Variants in HEATR5B observed in about 807,000 individuals in gnomAD.
HEATR5B encodes HEAT repeat containing 5B, also known as HEAT repeat-containing protein 5B.
A neutral mutation model predicts 224.1 loss-of-function variants in HEATR5B; 156 were observed. That is an observed-to-expected ratio of 0.70 (90% CI 0.61 to 0.80). The LOEUF (loss-of-function observed/expected upper bound fraction) is 0.80. Among genes scored for constraint, HEATR5B ranks in the 30% least tolerant of loss-of-function variants. HEATR5B has a pLI of 0.00. For missense variants in HEATR5B, 2,323 were observed against 2,535.5 expected (o/e 0.92, Z 1.80); for synonymous variants, 1,027 against 893.0 (o/e 1.15, Z -2.68).
intron 8 of HEATR5B, 32 bp from the exon 9 acceptor site, chr2:37,065,942 G>A (rs769171518): frequency 1.9e-6 from 3 of 1,577,706 alleles, no homozygotes; most frequent in South Asian, 2.3e-5. Context: ...TTTGACATAG[G>A]AGAAATGAAT....
intron 21 of HEATR5B, among the ~76,000 whole-genome samples, chr2:37,033,311 G>A (rs1669257467): frequency 6.6e-6 from 1 of 152,112 alleles, no homozygotes; most frequent in Non-Finnish European, 1.5e-5. Flanking sequence ...AAATATGTTA[G>A]TAGCCAAAAT....
At chr2:36,990,623 T>C (rs775127859) in intron 34 of HEATR5B, 25 bp downstream of exon 34, 3 of 1,512,902 alleles carry the variant, frequency 2.0e-6, no homozygotes, top group Non-Finnish European at 2.7e-6. Context: ...TGTTTTTATC[T>C]ATGTCTGTGT....
chr2:37,076,654 G>GA (rs11464053), intron 4 of HEATR5B, among the ~76,000 whole-genome samples: 122,533 of 144,054 alleles, frequency 0.85, 52,604 homozygotes, highest in East Asian at 0.99. Flanking sequence ...CCAAAAAAAA[G>GA]AAAAAAAAAA....
chr2:37,037,145 G>GATATATATAAATATATATATAT (rs1553431140), intron 21 of HEATR5B, among the ~76,000 whole-genome samples: 8 of 89,140 alleles, frequency 9.0e-5, no homozygotes, highest in Non-Finnish European at 1.7e-4. Flanking sequence ...CTAAAAATGT[G>GATATATATAAATATATATATAT]ATATATATAT....
chr2:37,060,322 A>C (rs868224211), intron 12 of HEATR5B, among the ~76,000 whole-genome samples: 1 of 152,132 alleles, frequency 6.6e-6, no homozygotes, highest in Non-Finnish European at 1.5e-5. Flanking sequence ...GATAGCAACA[A>C]GTGGGAATAA....
At chr2:36,998,769 CATT>C (rs779526912) in intron 33 of HEATR5B, among the ~76,000 whole-genome samples, 1 of 151,950 alleles carries the variant, frequency 6.6e-6, no homozygotes, top group Non-Finnish European at 1.5e-5. Context: ...AATGAGATGA[CATT>C]ATTTATGTAA....
chr2:37,059,279 A>C (rs894887183), intron 12 of HEATR5B, among the ~76,000 whole-genome samples: 1 of 150,498 alleles, frequency 6.6e-6, no homozygotes, highest in Non-Finnish European at 1.5e-5. Flanking sequence ...ATGACTACAA[A>C]GAAAGAAATT....
At chr2:37,073,293 T>G (rs1380006699) in intron 5 of HEATR5B, among the ~76,000 whole-genome samples, 2 of 152,206 alleles carry the variant, frequency 1.3e-5, no homozygotes, top group African/African-American at 4.8e-5. Flanking sequence ...TTGGTTAAAA[T>G]TCTAAAACTA....
chr2:37,008,717 C>T lies in HEATR5B; in HGVS notation c.4416G>A (p.Leu1472=). 1 of 1,614,058 alleles carries T rather than the reference C, an allele frequency of 6.2e-7. No individual in the cohort carries two copies. The highest frequency in any genetic ancestry group is 8.5e-7 in the Non-Finnish European group (1 of 1,179,980). ...DELPPDSLIT[L]VQPELPTLSR... is the part of the protein sequence containing the mutation. ...TGAGTGTTGGTAGTTCAGGTTGTACCAGTGTTATTAAACTATCTGGTGGCA... is the reference window on the plus strand; with the variant it reads ...TGAGTGTTGGTAGTTCAGGTTGTACTAGTGTTATTAAACTATCTGGTGGCA... Residue 1472 remains leucine, a synonymous_variant, in exon 28 of 36, where the codon CTG becomes CTA. Coordinates refer to ENST00000233099, the MANE Select transcript of HEATR5B (RefSeq NM_019024.3).
chr2:36,994,791 G>T (rs966600001), intron 33 of HEATR5B, among the ~76,000 whole-genome samples: 2 of 151,924 alleles, frequency 1.3e-5, no homozygotes, highest in Non-Finnish European at 2.9e-5. Flanking sequence ...TCGCTCTGTC[G>T]TCCAGGCTGG....
chr2:37,003,008 C>T (rs750608287), intron 31 of HEATR5B, among the ~76,000 whole-genome samples: 1 of 151,928 alleles, frequency 6.6e-6, no homozygotes, highest in African/African-American at 2.4e-5. Context: ...CGTGTAATCT[C>T]AGCACTTTGG....
intron 20 of HEATR5B, among the ~76,000 whole-genome samples, chr2:37,039,584 T>G (rs1451355414): frequency 6.6e-6 from 1 of 152,204 alleles, no homozygotes; most frequent in Non-Finnish European, 1.5e-5. Context: ...ATCAATAAAA[T>G]AGAGATAATA....
chr2:37,004,204 G>C (rs983477541), intron 30 of HEATR5B, among the ~76,000 whole-genome samples: 2 of 151,996 alleles, frequency 1.3e-5, no homozygotes, highest in Non-Finnish European at 2.9e-5. Context: ...AGGGGGAAAA[G>C]ACTTAACTGC....
chr2:37,056,840 T>A (rs937283070), intron 15 of HEATR5B, among the ~76,000 whole-genome samples: 2 of 152,202 alleles, frequency 1.3e-5, no homozygotes, highest in African/African-American at 2.4e-5. Flanking sequence ...TTCGAAAACA[T>A]ATTTACACCA....
intron 18 of HEATR5B, among the ~76,000 whole-genome samples, chr2:37,042,748 T>C (rs1194107232): frequency 6.6e-6 from 1 of 151,886 alleles, no homozygotes; most frequent in Non-Finnish European, 1.5e-5. Context: ...AAAAATCAGC[T>C]GGGTGTGGTG....
chr2:37,006,466 A>AC (rs550385521), intron 29 of HEATR5B, among the ~76,000 whole-genome samples: 136 of 152,290 alleles, frequency 8.9e-4, no homozygotes, highest in African/African-American at 3.2e-3. Flanking sequence ...ACATGGAGAA[A>AC]CCCCACCTCT....
chr2:37,083,399 T>A lies in HEATR5B; in HGVS notation c.16A>T (p.Ser6Cys), dbSNP rs1396327458. The change falls in exon 2 of 36, where the codon AGT (serine) becomes TGT (cysteine). Residue 6 changes from serine (S) to cysteine (C), a missense_variant. Ser to Cys is a moderately radical substitution (Grantham distance 112, BLOSUM62 -1). Around this residue, in one of 12 missense-constraint regions of HEATR5B, gnomAD observed 292 missense variants for 332.6 expected, o/e 0.88. Coordinates refer to ENST00000233099, the MANE Select transcript of HEATR5B (RefSeq NM_019024.3). Reference protein sequence around the residue: MELAHSLLLNEEALAQ... With the variant: MELAHCLLLNEEALAQ... The stretch of plus-strand genomic sequence containing the variant: ...AAAGCTTCTTCATTTAGCAATAAAC[T>A]GTGGGCTAACTCCATTACGGAAGTT... 1.9e-6 allele frequency: 3 copies of A among 1,613,786 alleles called. No homozygotes were observed.
At chr2:37,061,683 A>C (rs1325362198) in intron 11 of HEATR5B, among the ~76,000 whole-genome samples, 1 of 152,216 alleles carries the variant, frequency 6.6e-6, no homozygotes, top group Non-Finnish European at 1.5e-5. Context: ...TTTAAACACT[A>C]AACTCATCAG....
At chr2:37,083,867 G>A (rs1271116120) in intron 1 of HEATR5B, among the ~76,000 whole-genome samples, 1 of 152,194 alleles carries the variant, frequency 6.6e-6, no homozygotes, top group Non-Finnish European at 1.5e-5. Flanking sequence ...CCTGGCCAGA[G>A]GGACTGAGGT....
Sources: allele counts gnomAD v4.1 joint callset (sites outside exome capture counted in the v4.1 genomes callset), GRCh38; gene constraint gnomAD v4.1.1; regional missense constraint gnomAD v4.1.1; transcripts MANE v1.5; gene names NCBI Gene and HGNC (gene_info 2026-07-23, HGNC 2026-07-21).